Variants in DCDC1 observed in about 807,000 individuals in gnomAD.
The protein encoded by DCDC1 is doublecortin domain-containing protein 1.
DCDC1 carries 200 observed loss-of-function variants against 178.3 expected under a neutral mutation model. The observed-to-expected ratio is 1.12, with a 90% CI of 1.00 to 1.26. The LOEUF (loss-of-function observed/expected upper bound fraction) is 1.26, where lower values mean the gene tolerates loss of function less well. Among genes scored for constraint, DCDC1 ranks in the 50% most tolerant of loss-of-function variants. DCDC1 has a pLI of 0.00. For synonymous variants in DCDC1, 690 were observed against 604.8 expected (o/e 1.14, Z -2.07); for missense variants, 1,983 against 1,749.2 (o/e 1.13, Z -2.38).
intron 20 of DCDC1, among the ~76,000 whole-genome samples, chr11:31,018,698 T>G (rs1590777154): frequency 6.6e-6 from 1 of 152,244 alleles, no homozygotes; most frequent in South Asian, 2.1e-4. Context: ...AACATTTTCC[T>G]GGGGCATGCT....
chr11:31,164,523 T>C (rs375892794), intron 9 of DCDC1, among the ~76,000 whole-genome samples: 3 of 152,210 alleles, frequency 2.0e-5, no homozygotes, highest in East Asian at 3.9e-4. Flanking sequence ...GCCTAATATG[T>C]GTGTTTGTGT....
At chr11:31,208,886 G>GA (rs1392469497) in intron 9 of DCDC1, among the ~76,000 whole-genome samples, 9 of 152,160 alleles carry the variant, frequency 5.9e-5, no homozygotes, top group Admixed American at 4.6e-4. Flanking sequence ...GCCATTCTCT[G>GA]AAAAAATGTC....
intron 15 of DCDC1, among the ~76,000 whole-genome samples, chr11:31,096,513 G>A (rs534990324): frequency 6.6e-6 from 1 of 152,244 alleles, no homozygotes; most frequent in African/African-American, 2.4e-5. Flanking sequence ...TCCACAACAT[G>A]GTTTAATCTT....
intron 9 of DCDC1, among the ~76,000 whole-genome samples, chr11:31,157,119 C>T (rs1440434090): frequency 1.3e-5 from 2 of 151,776 alleles, no homozygotes; most frequent in Non-Finnish European, 2.9e-5. Flanking sequence ...TGGCTCACAT[C>T]TCTAATCCTG....
intron 35 of DCDC1, 128 bp downstream of exon 35, chr11:30,894,120 C>G (rs1310418775): frequency 5.4e-6 from 7 of 1,288,118 alleles, no homozygotes; most frequent in Non-Finnish European, 7.1e-6. Context: ...TTGGCATATG[C>G]TTATATGGTC....
intron 20 of DCDC1, among the ~76,000 whole-genome samples, chr11:30,984,739 C>G (rs1163496534): frequency 3.3e-5 from 5 of 152,108 alleles, no homozygotes; most frequent in African/African-American, 1.2e-4. Flanking sequence ...TTTTGAAAGT[C>G]CAGGATAGTT....
chr11:31,337,850 G>A (rs963099771), intron 1 of DCDC1, among the ~76,000 whole-genome samples: 1 of 152,214 alleles, frequency 6.6e-6, no homozygotes, highest in Non-Finnish European at 1.5e-5. Flanking sequence ...ATCTTTGGCT[G>A]TGAACATGGG....
intron 20 of DCDC1, among the ~76,000 whole-genome samples, chr11:30,992,259 T>G (rs186554619): frequency 6.6e-6 from 1 of 152,320 alleles, no homozygotes; most frequent in Admixed American, 6.5e-5. Flanking sequence ...GTCTGAATCC[T>G]ACTTTCCAAA....
intron 3 of DCDC1, among the ~76,000 whole-genome samples, chr11:31,315,225 T>C (rs1253474225): frequency 1.3e-5 from 2 of 150,986 alleles, no homozygotes; most frequent in East Asian, 2.0e-4. Context: ...TTCTACCAAG[T>C]GGTGCTGCTC....
Position 31,094,098 on chromosome 11 carries a change from T to C in DCDC1, c.2070A>G (p.Ile690Met), listed in dbSNP as rs1318546609. Residue 690 changes from isoleucine (I) to methionine (M), a missense_variant, in exon 16 of 39, where the codon ATA becomes ATG. By Grantham distance (10) the Ile-to-Met change is conservative. Coordinates refer to ENST00000684477, the MANE Select transcript of DCDC1 (RefSeq NM_001387274.1). ...CTACAGGCCACAGGATCGATGGCGCTATTTGACTCCTGCTGCTTGCTTCAC... is the reference window on the plus strand; with the variant it reads ...CTACAGGCCACAGGATCGATGGCGCCATTTGACTCCTGCTGCTTGCTTCAC... ...SGSEASSRSQ[I>M]APSILWPVAS... is the part of the protein sequence containing the mutation. 3.9e-6 allele frequency: 3 copies of C among 766,212 alleles called. No individual in the cohort carries two copies. Among genetic ancestry groups the C allele is most frequent in the Non-Finnish European group, 7.2e-6 (3 of 417,794 alleles). 47.5% of individuals were successfully genotyped at this position (766,212 alleles called of 1,614,324 possible). A position where few individuals can be genotyped will look rare whatever the true frequency, so the allele number is the denominator to read the frequency against.
chr11:31,142,846 T>C (rs1963995960), intron 9 of DCDC1, among the ~76,000 whole-genome samples: 1 of 152,038 alleles, frequency 6.6e-6, no homozygotes, highest in African/African-American at 2.4e-5. Flanking sequence ...GTCTTTTTTT[T>C]TGTCTTTTAG....
chr11:30,999,849 T>C (rs535218082), intron 20 of DCDC1, among the ~76,000 whole-genome samples: 1 of 152,176 alleles, frequency 6.6e-6, no homozygotes, highest in South Asian at 2.1e-4. Flanking sequence ...TTGGCAATCT[T>C]AGGAGCACAC....
chr11:31,157,386 T>TAC (rs1555090432), intron 9 of DCDC1, among the ~76,000 whole-genome samples: 13 of 142,732 alleles, frequency 9.1e-5, no homozygotes, highest in African/African-American at 3.3e-4. Context: ...TATATATATA[T>TAC]ACATATATAT....
Position 30,931,850 on chromosome 11 carries a change from C to T in DCDC1, c.2818G>A (p.Val940Ile). 1 of 1,613,122 alleles carries T rather than the reference C, an allele frequency of 6.2e-7. No individual in the cohort carries two copies. The highest frequency in any genetic ancestry group is 8.5e-7 in the Non-Finnish European group (1 of 1,179,410). The change falls in exon 22 of 39, where the codon GTT (valine) becomes ATT (isoleucine). Residue 940 changes from valine (V) to isoleucine (I), a missense_variant. Physicochemically the swap from Val to Ile is conservative, Grantham distance 29. Coordinates refer to ENST00000684477, the MANE Select transcript of DCDC1 (RefSeq NM_001387274.1). ...TEPYAPVRLRVLQNGEKNKNR... is the reference protein window; with the variant it reads ...TEPYAPVRLRILQNGEKNKNR... The stretch of plus-strand genomic sequence containing the variant: ...TTATTCTTCTCTCCATTCTGCAAAA[C>T]TCTGAGTCGCACAGGGGCATATGGC...
intron 20 of DCDC1, among the ~76,000 whole-genome samples, chr11:31,014,955 T>C (rs1375809092): frequency 1.3e-5 from 2 of 151,848 alleles, no homozygotes; most frequent in African/African-American, 2.4e-5. Context: ...CTTTTCTTTT[T>C]TTTTTTTTTT....
chr11:31,255,294 AT>A (rs1220492157), intron 8 of DCDC1, among the ~76,000 whole-genome samples: 3 of 151,778 alleles, frequency 2.0e-5, no homozygotes, highest in Non-Finnish European at 4.4e-5. Context: ...CCTGTTTTTA[AT>A]TTTTTTTGCC....
At chr11:31,325,221 A>G (rs1949583810) in intron 3 of DCDC1, among the ~76,000 whole-genome samples, 1 of 152,178 alleles carries the variant, frequency 6.6e-6, no homozygotes, top group Non-Finnish European at 1.5e-5. Context: ...GGATATGAAT[A>G]TGGTGAAACT....
intron 12 of DCDC1, among the ~76,000 whole-genome samples, chr11:31,109,619 A>AG: frequency 6.6e-6 from 1 of 152,284 alleles, no homozygotes; most frequent in African/African-American, 2.4e-5. Flanking sequence ...AACTGAAGGG[A>AG]GAAAAAGGGA....
intron 8 of DCDC1, among the ~76,000 whole-genome samples, chr11:31,260,028 C>G (rs1279979244): frequency 6.6e-6 from 1 of 152,152 alleles, no homozygotes; most frequent in African/African-American, 2.4e-5. Flanking sequence ...GGAAACAAGG[C>G]ATATGAAAAT....
Sources: gnomAD v4.1 joint callset for allele counts (sites outside exome capture counted in the v4.1 genomes callset) on GRCh38, gnomAD v4.1.1 for gene constraint, MANE v1.5 for transcripts, NCBI Gene and HGNC (gene_info 2026-07-23, HGNC 2026-07-21) for gene names.